The following RANBP10 variants were observed in gnomAD, a reference collection of about 807,000 sequenced individuals.
The protein encoded by RANBP10 is RAN binding protein 10.
A neutral mutation model predicts 72.8 loss-of-function variants in RANBP10; 24 were observed. The observed-to-expected ratio is 0.33, with a 90% CI of 0.24 to 0.46. The LOEUF (loss-of-function observed/expected upper bound fraction) is 0.46, where lower values mean the gene tolerates loss of function less well. Ranked by LOEUF, RANBP10 falls within the 20% of genes least tolerant of loss-of-function variation. The pLI is 1.00. For synonymous variants in RANBP10, 310 were observed against 322.3 expected, an observed-to-expected ratio of 0.96 and a Z score of 0.41; for missense variants, 679 against 817.5, an observed-to-expected ratio of 0.83 and a Z score of 2.07.
At chr16:67,779,297 A>T (rs2143014646) in intron 2 of RANBP10, among the ~76,000 whole-genome samples, 1 of 149,654 alleles carries the variant, frequency 6.7e-6, no homozygotes, top group African/African-American at 2.5e-5. Context: ...CAGGAGGCTG[A>T]GGTGGGAGGA....
chr16:67,727,154 C>T lies in RANBP10; in HGVS notation c.1732+173G>A, dbSNP rs574465578. 2.7e-3 allele frequency among the ~76,000 whole-genome samples: 411 copies of T among 152,300 alleles called. 3 individuals carry two copies. Among genetic ancestry groups the T allele is most frequent in the African/African-American group, 8.9e-3 (372 of 41,574 alleles). On this transcript the variant is annotated intron_variant, in intron 13 of 13. Transcript: ENST00000317506. Reference sequence around the variant, plus strand: ...ACTAAAAATACAACAACTAGCCAGGCGTGGTGGCACGCACCTTAGTCCCAG... The same window carrying T: ...ACTAAAAATACAACAACTAGCCAGGTGTGGTGGCACGCACCTTAGTCCCAG...
At chr16:67,758,855 C>G (rs1378361344) in intron 3 of RANBP10, among the ~76,000 whole-genome samples, 1 of 152,208 alleles carries the variant, frequency 6.6e-6, no homozygotes, top group Non-Finnish European at 1.5e-5. Context: ...CTTTTTAGGT[C>G]TGGCTGAGCT....
At chr16:67,748,529 A>G (rs2054131948) in intron 3 of RANBP10, among the ~76,000 whole-genome samples, 1 of 152,062 alleles carries the variant, frequency 6.6e-6, no homozygotes, top group Non-Finnish European at 1.5e-5. Context: ...CGTCTAAAAA[A>G]AAAAACAAAG....
At position 67,726,187 on chromosome 16, in the gene RANBP10, G is replaced by C. The variant is rs2053594110; in HGVS notation, c.*241C>G. 1.0e-5 allele frequency: 5 copies of C among 488,212 alleles called. No individual in the cohort carries two copies. The South Asian group carries it at 1.0e-4, about 10-fold the overall frequency. The allele number at this position is 488,212 out of a possible 1,614,324, so 30.2% of individuals were successfully genotyped here. A position where few individuals can be genotyped will look rare whatever the true frequency, so the allele number is the denominator to read the frequency against. On this transcript the variant is annotated 3_prime_UTR_variant, in exon 14 of 14. Coordinates refer to ENST00000317506, the MANE Select transcript of RANBP10 (RefSeq NM_020850.3). Reference sequence around the variant, plus strand: ...TTTCAAAATAGAAGGCGCTACATGAGAGTAACCAGCCAATACTGTGTTACA... The same window carrying C: ...TTTCAAAATAGAAGGCGCTACATGACAGTAACCAGCCAATACTGTGTTACA...
intron 2 of RANBP10, among the ~76,000 whole-genome samples, chr16:67,773,579 G>A (rs1393583614): frequency 1.3e-5 from 2 of 152,134 alleles, no homozygotes; most frequent in African/African-American, 4.8e-5. Context: ...GGCAGGGAGG[G>A]AAGGCTCTGA....
At position 67,731,509 on chromosome 16, in the gene RANBP10, C is replaced by T. The variant is rs773925376; in HGVS notation, c.852G>A (p.Pro284=). The change falls in exon 7 of 14, where the codon CCG becomes CCA. Residue 284 remains proline, a synonymous_variant. Coordinates refer to ENST00000317506, the MANE Select transcript of RANBP10 (RefSeq NM_020850.3). ...ATAFARMTET[P]IQEEQASIKN... Reference sequence around the variant, plus strand: ...TTATGGACGCCTGTTCTTCCTGAATCGGGGTTTCAGTCATTCGAGCAAAAG... The same window carrying T: ...TTATGGACGCCTGTTCTTCCTGAATTGGGGTTTCAGTCATTCGAGCAAAAG... The T allele has an allele frequency of 1.2e-5, 20 of 1,613,978 alleles. No homozygotes were observed. The highest frequency in any genetic ancestry group is 8.0e-5 in the African/African-American group (6 of 74,916).
At position 67,729,652 on chromosome 16, in the gene RANBP10, T is replaced by TC. The variant is rs770977880; in HGVS notation, c.1147+27dup. 52 of 1,592,176 alleles carry TC rather than the reference T, an allele frequency of 3.3e-5. No homozygotes were observed. The highest frequency in any genetic ancestry group is 4.0e-5 in the Non-Finnish European group (47 of 1,168,786). On this transcript the variant is annotated intron_variant, in intron 9 of 13. Coordinates refer to ENST00000317506, the MANE Select transcript of RANBP10 (RefSeq NM_020850.3). This position sits in a 1 kb window ranked among gnomAD's most constrained non-coding sequence, Gnocchi z 7.1. ...GGCCTCTCTCCTCCACACCAGTTCT[T>TC]CCCAGAGCCCTCTGGAGAGTGGCTG...
At chr16:67,750,278 C>T (rs1018131412) in intron 3 of RANBP10, among the ~76,000 whole-genome samples, 1 of 152,242 alleles carries the variant, frequency 6.6e-6, no homozygotes. Context: ...TGCTGCTCCT[C>T]CAGGTCCTCT....
In RANBP10 at chr16:67,728,481, G is replaced by T. The variant is rs1454397849; in HGVS notation, c.1383C>A (p.His461Gln). Residue 461 changes from histidine (H) to glutamine (Q), a missense_variant, in exon 11 of 14, where the codon CAC becomes CAA. By Grantham distance (24) the His-to-Gln change is conservative. Transcript: ENST00000317506. ...SDSEMEMEAE[H>Q]YPNGVLGSMS... is the part of the protein sequence containing the mutation. ...TGCTTCCTAGCACACCGTTGGGGTA[G>T]TGCTCTGCCTCCATCTCCATCTCAC... The T allele has an allele frequency of 1.2e-6, 2 of 1,614,056 alleles. No homozygotes were observed. The highest frequency in any genetic ancestry group is 1.7e-5 in the Admixed American group (1 of 59,994).
intron 5 of RANBP10, 136 bp downstream of exon 5, chr16:67,737,877 C>A (rs531043070): frequency 3.7e-5 from 45 of 1,213,540 alleles, no homozygotes; most frequent in Middle Eastern, 2.0e-4. Context: ...CTGGTACCCT[C>A]AAGCTGACAG....
intron 2 of RANBP10, among the ~76,000 whole-genome samples, chr16:67,799,576 T>G (rs2055198974): frequency 6.6e-6 from 1 of 152,120 alleles, no homozygotes; most frequent in Admixed American, 6.6e-5. Context: ...TGTGAGCCAC[T>G]GCGCCCGGCC....
intron 2 of RANBP10, among the ~76,000 whole-genome samples, chr16:67,799,576 T>C (rs2055198974): frequency 6.6e-6 from 1 of 152,120 alleles, no homozygotes; most frequent in Admixed American, 6.6e-5. Flanking sequence ...TGTGAGCCAC[T>C]GCGCCCGGCC....
chr16:67,806,219 G>A, intron 1 of RANBP10, 83 bp downstream of exon 1: 1 of 1,305,250 alleles, frequency 7.7e-7, no homozygotes, highest in African/African-American at 1.5e-5. Context: ...CAGGGAAAGG[G>A]AGGTGATAGG....
intron 13 of RANBP10, 73 bp downstream of exon 13, chr16:67,727,254 G>T: frequency 7.2e-7 from 1 of 1,395,924 alleles, no homozygotes; most frequent in Non-Finnish European, 9.8e-7. Flanking sequence ...AGCCAAGATT[G>T]TGCCACTGCA....
intron 4 of RANBP10, among the ~76,000 whole-genome samples, chr16:67,743,595 C>G (rs1006558963): frequency 6.6e-6 from 1 of 152,172 alleles, no homozygotes; most frequent in Non-Finnish European, 1.5e-5. Flanking sequence ...GGTTTCTTCT[C>G]CTGGTTAACA....
At chr16:67,773,426 G>A (rs1228745453) in intron 2 of RANBP10, among the ~76,000 whole-genome samples, 1 of 152,010 alleles carries the variant, frequency 6.6e-6, no homozygotes, top group Non-Finnish European at 1.5e-5. Flanking sequence ...CCTGTCTCAG[G>A]TATTTCTTTA....
At chr16:67,760,099 CAAA>C (rs56244298) in intron 3 of RANBP10, among the ~76,000 whole-genome samples, 6 of 98,902 alleles carry the variant, frequency 6.1e-5, no homozygotes, top group Non-Finnish European at 9.2e-5. Context: ...GACTCCGTCT[CAAA>C]AAAAAAAAAA....
chr16:67,755,943 T>G (rs766429458), intron 3 of RANBP10, among the ~76,000 whole-genome samples: 6 of 152,132 alleles, frequency 3.9e-5, no homozygotes, highest in African/African-American at 7.2e-5. Context: ...CCATGTCAGG[T>G]ACTATGAAAT....
intron 3 of RANBP10, among the ~76,000 whole-genome samples, chr16:67,750,718 G>T (rs956801237): frequency 2.0e-5 from 3 of 151,782 alleles, no homozygotes; most frequent in Non-Finnish European, 4.4e-5. Context: ...TTACTGTCCA[G>T]GAGGTATAAG....
Sources: allele counts gnomAD v4.1 joint callset (sites outside exome capture counted in the v4.1 genomes callset), GRCh38; gene constraint gnomAD v4.1.1; non-coding constraint Gnocchi (gnomAD v3.1); transcripts MANE v1.5; gene names NCBI Gene and HGNC (gene_info 2026-07-23, HGNC 2026-07-21).